Variants in HSD17B7 observed in about 807,000 individuals in gnomAD.
HSD17B7 encodes 3-keto-steroid reductase/17-beta-hydroxysteroid dehydrogenase 7.
In HSD17B7, 17 loss-of-function variants were observed where a neutral mutation model predicts 34.1. The ratio of observed to expected loss-of-function variants is 0.50; its 90% CI spans 0.34 to 0.75. The LOEUF is 0.75. Ranked by LOEUF, HSD17B7 falls within the 30% of genes least tolerant of loss-of-function variation. The pLI, the probability that HSD17B7 is intolerant of heterozygous loss-of-function variation, is 0.01. For missense variants in HSD17B7, 296 were observed against 406.6 expected (o/e 0.73, Z 2.34); for synonymous variants, 122 against 154.6 (o/e 0.79, Z 1.56).
chr1:162,796,090 T>C (rs960276824), intron 2 of HSD17B7, among the ~76,000 whole-genome samples: 1 of 152,180 alleles, frequency 6.6e-6, no homozygotes, highest in Non-Finnish European at 1.5e-5. Flanking sequence ...TTTTATTATA[T>C]ATTTTGGCAT....
intron 8 of HSD17B7, among the ~76,000 whole-genome samples, chr1:162,809,152 T>A (rs954218357): frequency 1.3e-5 from 2 of 152,242 alleles, no homozygotes; most frequent in African/African-American, 4.8e-5. Flanking sequence ...GATCAATACC[T>A]AATTTATTGA....
At position 162,793,862 on chromosome 1, in the gene HSD17B7, G is replaced by A. The variant is rs187348954; in HGVS notation, c.239+1000G>A. On this transcript the variant is annotated intron_variant, in intron 2 of 8. Coordinates refer to ENST00000254521, the MANE Select transcript of HSD17B7 (RefSeq NM_016371.4). ...TAGTTGGGTGGGTCCAAGACCCCAG[G>A]GCTTCTCCCTGCTTCCTAAGGGGTA... 2.9e-3 allele frequency among the ~76,000 whole-genome samples: 397 copies of A among 139,166 alleles called. 1 individual carries two copies. Among genetic ancestry groups the A allele is most frequent in the Non-Finnish European group, 4.5e-3 (288 of 64,308 alleles). The allele number at this position is 139,166 out of a possible 152,430, so 91.3% of individuals were successfully genotyped here.
At chr1:162,808,443 C>G (rs1221806361) in intron 8 of HSD17B7, among the ~76,000 whole-genome samples, 1 of 152,132 alleles carries the variant, frequency 6.6e-6, no homozygotes, top group Non-Finnish European at 1.5e-5. Flanking sequence ...ATTGTCTTGG[C>G]AATGCGGGCC....
Position 162,797,931 on chromosome 1 carries a change from G to A in HSD17B7, c.447+15G>A. ...ATTTTATCCTGGTAAAGAAGCTGTGGGCTTAATAAGCTAATATTTCGTGTG... is the reference window on the plus strand; with the variant it reads ...ATTTTATCCTGGTAAAGAAGCTGTGAGCTTAATAAGCTAATATTTCGTGTG... On this transcript the variant is annotated intron_variant, in intron 4 of 8. Coordinates refer to ENST00000254521, the MANE Select transcript of HSD17B7 (RefSeq NM_016371.4). The A allele has an allele frequency of 1.9e-6, 3 of 1,612,874 alleles. No homozygotes were observed. Among genetic ancestry groups the A allele is most frequent in the Non-Finnish European group, 2.5e-6 (3 of 1,179,358 alleles).
rs1428189337 is a variant in HSD17B7 at position 162,797,911 on chromosome 1, A to T, written c.442A>T (p.Ile148Phe). ...TGAGACCAATGTCTTTGGCCATTTTATCCTGGTAAAGAAGCTGTGGGCTTA... is the reference window on the plus strand; with the variant it reads ...TGAGACCAATGTCTTTGGCCATTTTTTCCTGGTAAAGAAGCTGTGGGCTTA... ...VFETNVFGHF[I>F]LIRELEPLLC... The change falls in exon 4 of 9, where the codon ATC (isoleucine) becomes TTC (phenylalanine). Residue 148 changes from isoleucine to phenylalanine, a missense_variant. By Grantham distance (21) the Ile-to-Phe change is conservative. Coordinates refer to ENST00000254521, the MANE Select transcript of HSD17B7 (RefSeq NM_016371.4). 1 of 1,613,806 alleles carries T rather than the reference A, an allele frequency of 6.2e-7. No individual in the cohort carries two copies. The highest frequency in any genetic ancestry group is 1.7e-5 in the Admixed American group (1 of 60,008).
Position 162,805,397 on chromosome 1 carries a change from T to C in HSD17B7, c.808T>C (p.Trp270Arg), listed in dbSNP as rs1339912878. The C allele has an allele frequency of 6.2e-7, 1 of 1,612,918 alleles. No homozygotes were observed. The highest frequency in any genetic ancestry group is 8.5e-7 in the Non-Finnish European group (1 of 1,179,234). The change falls in exon 8 of 9, where the codon TGG becomes CGG. Residue 270 changes from tryptophan to arginine, a missense_variant. Physicochemically the swap from Trp to Arg is moderately radical, Grantham distance 101. Coordinates refer to ENST00000254521, the MANE Select transcript of HSD17B7 (RefSeq NM_016371.4). ...TTGACACATCCTTCCTTTCCAGGTA[T>C]GGCTTTTCCACCAAAAGCCTGAATC... ...TPYNGTEALV[W>R]LFHQKPESLN... is the part of the protein sequence containing the mutation.
At chr1:162,796,199 G>A (rs1414243567) in intron 2 of HSD17B7, among the ~76,000 whole-genome samples, 2 of 152,014 alleles carry the variant, frequency 1.3e-5, no homozygotes, top group Non-Finnish European at 2.9e-5. Flanking sequence ...TTTAAAGCAA[G>A]ACACTTTGTA....
chr1:162,812,654 G>A lies in HSD17B7; in HGVS notation c.*234G>A, dbSNP rs927841681. The A allele has an allele frequency of 5.5e-5, 17 of 307,132 alleles. No individual in the cohort carries two copies. Among genetic ancestry groups the A allele is most frequent in the Non-Finnish European group, 9.5e-5 (16 of 168,412 alleles). The allele number at this position is 307,132 out of a possible 1,614,324, so 19.0% of individuals were successfully genotyped here. On this transcript the variant is annotated 3_prime_UTR_variant, in exon 9 of 9. Coordinates refer to ENST00000254521, the MANE Select transcript of HSD17B7 (RefSeq NM_016371.4). Reference sequence around the variant, plus strand: ...GATTGTGCCACTGCACTCCAGCCTGGGTGACAGCGAGACCCTGTCTCAAAA... The same window carrying A: ...GATTGTGCCACTGCACTCCAGCCTGAGTGACAGCGAGACCCTGTCTCAAAA...
chr1:162,809,822 A>G (rs1466605172), intron 8 of HSD17B7, among the ~76,000 whole-genome samples: 5 of 151,952 alleles, frequency 3.3e-5, no homozygotes, highest in East Asian at 1.9e-4. Flanking sequence ...TATTGCGTCT[A>G]TTTGATTCTT....
chr1:162,792,509 C>T (rs1648442905), intron 1 of HSD17B7, 150 bp from the exon 2 acceptor site: 1 of 972,346 alleles, frequency 1.0e-6, no homozygotes, highest in East Asian at 2.7e-5. Context: ...TGTAGGATTC[C>T]TCCCTTCTTA....
chr1:162,792,914 A>T, intron 2 of HSD17B7, 52 bp downstream of exon 2: 2 of 1,559,756 alleles, frequency 1.3e-6, no homozygotes, highest in Non-Finnish European at 1.8e-6. Flanking sequence ...GCAGCATAAC[A>T]CTTAATAAAA....
intron 5 of HSD17B7, chr1:162,803,053 A>G (rs1648865285): frequency 5.8e-6 from 1 of 172,224 alleles, no homozygotes; most frequent in South Asian, 1.4e-4. Context: ...TACTCCATAC[A>G]TCTTTTAATC....
At chr1:162,793,022 G>GT in intron 2 of HSD17B7, 160 bp downstream of exon 2, 2 of 425,146 alleles carry the variant, frequency 4.7e-6, no homozygotes, top group South Asian at 3.0e-5. Flanking sequence ...TCAGTACCAC[G>GT]TTTTCTTTCT....
rs1211525641 is a variant in HSD17B7, at chr1:162,804,197, T to G, written c.748-70T>G. 9 of 1,140,210 alleles carry G rather than the reference T, an allele frequency of 7.9e-6. No homozygotes were observed. In the East Asian group the frequency reaches 2.2e-4, roughly 28 times the overall value. The allele number at this position is 1,140,210 out of a possible 1,614,324, so 70.6% of individuals were successfully genotyped here. ...AGAAAGGCAGGGTTTTAAAAAATAT[T>G]TAAATGAATAATTCTTTCGTGACTC... On this transcript the variant is annotated intron_variant, in intron 6 of 8. Transcript: ENST00000254521.
At position 162,796,696 on chromosome 1, in the gene HSD17B7, A is replaced by C. The variant is rs201852354; in HGVS notation, c.332+19A>C. 6,261 of 1,383,894 alleles carry C rather than the reference A, an allele frequency of 4.5e-3. 19 individuals carry two copies. Among genetic ancestry groups the C allele is most frequent in the Non-Finnish European group, 5.6e-3 (5,414 of 968,916 alleles). The allele number at this position is 1,383,894 out of a possible 1,614,324, so 85.7% of individuals were successfully genotyped here. A position where few individuals can be genotyped will look rare whatever the true frequency, so the allele number is the denominator to read the frequency against. On this transcript the variant is annotated intron_variant, in intron 3 of 8. Transcript: ENST00000254521. ...TTTCAAGGTAATTTTCGTTTTATGGATGAACTGATTGGAAGGAATGTGTTC... is the reference window on the plus strand; with the variant it reads ...TTTCAAGGTAATTTTCGTTTTATGGCTGAACTGATTGGAAGGAATGTGTTC...
intron 2 of HSD17B7, 165 bp downstream of exon 2, chr1:162,793,027 C>CTTTTTT: frequency 3.1e-6 from 1 of 319,802 alleles, no homozygotes; most frequent in South Asian, 3.6e-5. Flanking sequence ...ACCACGTTTT[C>CTTTTTT]TTTCTTTTTT....
intron 8 of HSD17B7, among the ~76,000 whole-genome samples, chr1:162,807,692 T>G (rs1228919918): frequency 1.3e-5 from 2 of 152,192 alleles, no homozygotes; most frequent in African/African-American, 4.8e-5. Context: ...GGTATCTCAT[T>G]GTGGTTTTGA....
At chr1:162,792,317 T>C (rs1648435340) in intron 1 of HSD17B7, among the ~76,000 whole-genome samples, 1 of 152,206 alleles carries the variant, frequency 6.6e-6, no homozygotes, top group East Asian at 1.9e-4. Context: ...ACTGGTGATA[T>C]ATTAAATCAT....
chr1:162,801,382 C>A (rs12067455), intron 5 of HSD17B7, among the ~76,000 whole-genome samples: 1 of 152,172 alleles, frequency 6.6e-6, no homozygotes, highest in African/African-American at 2.4e-5. Flanking sequence ...CCTCAGTTTC[C>A]TCATCTGAAA....
Sources: allele counts gnomAD v4.1 joint callset (sites outside exome capture counted in the v4.1 genomes callset), GRCh38; gene constraint gnomAD v4.1.1; transcripts MANE v1.5; gene names NCBI Gene and HGNC (gene_info 2026-07-23, HGNC 2026-07-21).